Variants in LEMD1 observed in about 807,000 individuals in gnomAD.
LEMD1 encodes LEM domain containing 1, also known as LEM domain-containing protein 1.
Under a neutral mutation model 17.4 loss-of-function variants are expected in LEMD1, and 18 were observed. The observed-to-expected ratio is 1.04, with a 90% CI of 0.72 to 1.54. LEMD1 has a LOEUF of 1.54. Ranked by LOEUF, LEMD1 falls within the 40% of genes most tolerant of loss-of-function variation. The pLI is 0.00. For missense variants in LEMD1, 195 were observed against 210.4 expected (o/e 0.93, Z 0.45); for synonymous variants, 88 against 77.8 (o/e 1.13, Z -0.69).
intron 4 of LEMD1, among the ~76,000 whole-genome samples, chr1:205,402,563 T>G (rs1348429968): frequency 6.6e-6 from 1 of 152,244 alleles, no homozygotes; most frequent in Non-Finnish European, 1.5e-5. Context: ...TCCTGAGACT[T>G]TGCTGAAGTT....
upstream of LEMD1, among the ~76,000 whole-genome samples, chr1:205,422,553 C>G (rs948878116): frequency 6.6e-6 from 1 of 152,168 alleles, no homozygotes; most frequent in African/African-American, 2.4e-5. Context: ...AAAGCATGTT[C>G]GTATCATCTC....
chr1:205,425,069 A>G (rs113501930), upstream of LEMD1, among the ~76,000 whole-genome samples: 2,141 of 152,318 alleles, frequency 0.014, 58 homozygotes, highest in African/African-American at 0.048. Context: ...CTTCACTTGC[A>G]CAGGCACCAT....
intron 1 of LEMD1, among the ~76,000 whole-genome samples, chr1:205,432,506 C>T (rs1021515384): frequency 6.6e-6 from 1 of 152,334 alleles, no homozygotes; most frequent in African/African-American, 2.4e-5. Context: ...GAGATCAAAA[C>T]CTGAAGTCAA....
intron 1 of LEMD1, among the ~76,000 whole-genome samples, chr1:205,445,283 A>G (rs1666368567): frequency 6.6e-6 from 1 of 152,202 alleles, no homozygotes; most frequent in Non-Finnish European, 1.5e-5. Flanking sequence ...GTAGTCTACA[A>G]GACCGTGTTG....
At chr1:205,394,771 G>A (rs181610814) in intron 4 of LEMD1, among the ~76,000 whole-genome samples, 278 of 152,034 alleles carry the variant, frequency 1.8e-3, no homozygotes, top group African/African-American at 6.4e-3. Flanking sequence ...GGCAGATCAC[G>A]AGGTCAGGAG....
intron 1 of LEMD1, among the ~76,000 whole-genome samples, chr1:205,446,617 T>C (rs559115338): frequency 4.5e-4 from 69 of 152,278 alleles, no homozygotes; most frequent in African/African-American, 1.6e-3. Context: ...CTAACCTGGC[T>C]TTCCAGTTAG....
At chr1:205,395,270 CT>C (rs1472044019) in intron 4 of LEMD1, among the ~76,000 whole-genome samples, 1 of 152,116 alleles carries the variant, frequency 6.6e-6, no homozygotes, top group Non-Finnish European at 1.5e-5. Context: ...CGTAAGAATT[CT>C]TTGTTGGAAA....
intron 3 of LEMD1, 86 bp from the exon 4 acceptor site, chr1:205,416,382 C>T: frequency 1.1e-6 from 1 of 922,832 alleles, no homozygotes; most frequent in Non-Finnish European, 1.7e-6. Flanking sequence ...AGGGTGAATT[C>T]TCTCAATTAG....
intron 1 of LEMD1, among the ~76,000 whole-genome samples, chr1:205,427,320 T>C (rs1241767602): frequency 6.6e-6 from 1 of 151,982 alleles, no homozygotes; most frequent in African/African-American, 2.4e-5. Context: ...TCTGGGGTCC[T>C]GCACTGGGAT....
At chr1:205,443,671 G>A (rs1666335013) in intron 1 of LEMD1, among the ~76,000 whole-genome samples, 1 of 152,188 alleles carries the variant, frequency 6.6e-6, no homozygotes, top group Admixed American at 6.5e-5. Context: ...AAAGTGCTCT[G>A]GTTATCCTTC....
In LEMD1 at chr1:205,382,897, T is replaced by C. The variant is rs73087178; in HGVS notation, c.348-1041A>G. On this transcript the variant is annotated intron_variant, in intron 5 of 5. Transcript: ENST00000367153. ...GAAATTTTTTTGCAAGAGCCTTATGTTTCCACTAGCCTAATTCTGCAAAAC... is the reference window on the plus strand; with the variant it reads ...GAAATTTTTTTGCAAGAGCCTTATGCTTCCACTAGCCTAATTCTGCAAAAC... Among the ~76,000 whole-genome samples, 796 of 152,306 alleles carry C rather than the reference T, an allele frequency of 5.2e-3. 6 individuals are homozygous for C. Among genetic ancestry groups the C allele is most frequent in the African/African-American group, 0.018 (765 of 41,568 alleles).
intron 4 of LEMD1, among the ~76,000 whole-genome samples, chr1:205,395,912 A>G (rs559522041): frequency 1.1e-4 from 16 of 152,220 alleles, no homozygotes; most frequent in Non-Finnish European, 1.6e-4. Context: ...AATAAAATAC[A>G]TAAAAATTGC....
intron 1 of LEMD1, among the ~76,000 whole-genome samples, chr1:205,444,938 G>A (rs545974588): frequency 2.5e-3 from 377 of 151,000 alleles, no homozygotes; most frequent in Non-Finnish European, 4.1e-3. Context: ...ACCCAGTAAG[G>A]AGGGTGTGCC....
At chr1:205,405,893 C>T (rs1006799005) in intron 4 of LEMD1, among the ~76,000 whole-genome samples, 43 of 151,914 alleles carry the variant, frequency 2.8e-4, no homozygotes, top group African/African-American at 9.9e-4. Context: ...TGTGGATGTC[C>T]TTTCTGTTTG....
At chr1:205,396,423 A>C (rs1558715225) in intron 4 of LEMD1, among the ~76,000 whole-genome samples, 1 of 152,190 alleles carries the variant, frequency 6.6e-6, no homozygotes, top group Non-Finnish European at 1.5e-5. Flanking sequence ...TCCATTCAGC[A>C]GTCCTACTTG....
chr1:205,404,703 T>C (rs1201269276), intron 4 of LEMD1, among the ~76,000 whole-genome samples: 1 of 152,168 alleles, frequency 6.6e-6, no homozygotes, highest in Non-Finnish European at 1.5e-5. Context: ...CCATTTACAT[T>C]TAAAGTTAAT....
intron 1 of LEMD1, among the ~76,000 whole-genome samples, chr1:205,432,489 A>G (rs1666138929): frequency 6.6e-6 from 1 of 152,154 alleles, no homozygotes. Flanking sequence ...TGGATTACAA[A>G]CCCCAAGAGA....
chr1:205,415,439 G>A (rs1368694981), intron 4 of LEMD1, among the ~76,000 whole-genome samples: 2 of 142,806 alleles, frequency 1.4e-5, no homozygotes, highest in Admixed American at 7.6e-5. Flanking sequence ...CAGGGGCCAA[G>A]AGGAAGACAA....
At chr1:205,428,687 G>T (rs1666089274) in intron 1 of LEMD1, among the ~76,000 whole-genome samples, 1 of 152,182 alleles carries the variant, frequency 6.6e-6, no homozygotes, top group South Asian at 2.1e-4. Flanking sequence ...GGCAAGAAAA[G>T]TCAGGGAGGC....
Sources: allele counts gnomAD v4.1 joint callset (sites outside exome capture counted in the v4.1 genomes callset), GRCh38; gene constraint gnomAD v4.1.1; transcripts MANE v1.5; gene names NCBI Gene and HGNC (gene_info 2026-07-23, HGNC 2026-07-21).